Variants in PAK5 observed in about 807,000 individuals in gnomAD.
PAK5 encodes the protein p21 (RAC1) activated kinase 5.
A neutral mutation model predicts 65.9 loss-of-function variants in PAK5; 16 were observed. The ratio of observed to expected loss-of-function variants is 0.24; its 90% confidence interval spans 0.16 to 0.37. The LOEUF is 0.37. PAK5 is among the 10% of genes least tolerant of loss of function. The pLI, the probability that PAK5 is intolerant of heterozygous loss-of-function variation, is 1.00. For synonymous variants in PAK5, 371 were observed against 354.9 expected (o/e 1.05, Z -0.51); for missense variants, 785 against 903.9 (o/e 0.87, Z 1.69).
At chr20:9,563,760 A>T (rs1487763911) in intron 5 of PAK5, among the ~76,000 whole-genome samples, 1 of 152,168 alleles carries the variant, frequency 6.6e-6, no homozygotes, top group Non-Finnish European at 1.5e-5. Context: ...GGTTTGGAAA[A>T]TAAATTCCAG....
rs373766731 is a variant in PAK5, at chr20:9,603,869, C to G, written c.205-22939G>C. ...AAAAGCTGTGCCTCTGAACCCAGGC[C>G]GTCTAGCTACAGAACCCACATCTTC... On this transcript the variant is annotated intron_variant, in intron 3 of 9. Coordinates refer to ENST00000353224, the MANE Select transcript of PAK5 (RefSeq NM_177990.4). Among the ~76,000 whole-genome samples the G allele has an allele frequency of 2.6e-5, 4 of 152,204 alleles. No individual in the cohort carries two copies. The East Asian group carries it at 7.7e-4, about 29-fold the overall frequency.
At chr20:9,825,957 C>CTT (rs1241402162) in intron 1 of PAK5, among the ~76,000 whole-genome samples, 1 of 152,144 alleles carries the variant, frequency 6.6e-6, no homozygotes, top group Non-Finnish European at 1.5e-5. Flanking sequence ...ACATTCAAGA[C>CTT]TTTAATGACC....
At chr20:9,597,466 C>T (rs1287236999) in intron 3 of PAK5, among the ~76,000 whole-genome samples, 1 of 152,198 alleles carries the variant, frequency 6.6e-6, no homozygotes. Flanking sequence ...CTTACATGAG[C>T]ACATCCTGTC....
In PAK5 at chr20:9,838,200, C is replaced by CGT. The variant is rs1441662899; in HGVS notation, c.-162+561_-162+562insAC. Among the ~76,000 whole-genome samples the CGT allele has an allele frequency of 8.5e-6, 1 of 117,156 alleles. No homozygotes were observed. The highest frequency in any genetic ancestry group is 3.9e-5 in the African/African-American group (1 of 25,722). The allele number at this position is 117,156 out of a possible 152,430, so 76.9% of individuals were successfully genotyped here. On this transcript the variant is annotated intron_variant, in intron 1 of 9. Transcript: ENST00000353224. This position sits in a 1 kb window ranked among gnomAD's most constrained non-coding sequence, Gnocchi z 4.5. ...CACCAGGCGCGCGCGCACACACACA[C>CGT]GCGCGCACACACACACACACACAAA...
chr20:9,616,737 G>A (rs941357726), intron 3 of PAK5, among the ~76,000 whole-genome samples: 5 of 152,154 alleles, frequency 3.3e-5, no homozygotes, highest in African/African-American at 7.2e-5. Context: ...CAAAGCATGC[G>A]TCCTTCCTTA....
rs55773719 is a variant in PAK5 at position 9,580,556 on chromosome 20, G to A, written c.579C>T (p.Ala193=). The change falls in exon 4 of 10, where the codon GCC becomes GCT. Residue 193 remains alanine (A), a synonymous_variant. Transcript: ENST00000353224. ...SEVKPLKSDF[A]RFSADYHSHL... is the part of the protein sequence containing the mutation. The stretch of plus-strand genomic sequence containing the variant: ...GTGAGTGATAATCGGCAGAAAATCT[G>A]GCAAAATCGGATTTCAAAGGCTTCA... The A allele has an allele frequency of 8.8e-4, 1,413 of 1,614,062 alleles. 13 individuals are homozygous for A. In the East Asian group the frequency reaches 0.024, roughly 28 times the overall value.
At chr20:9,556,795 G>C (rs1385777353) in intron 7 of PAK5, among the ~76,000 whole-genome samples, 3 of 152,080 alleles carry the variant, frequency 2.0e-5, no homozygotes, top group African/African-American at 7.2e-5. Flanking sequence ...TCCTCTGTTT[G>C]TCCTACTGGA....
chr20:9,630,424 A>G (rs1487069019), intron 3 of PAK5, among the ~76,000 whole-genome samples: 3 of 152,226 alleles, frequency 2.0e-5, no homozygotes, highest in Non-Finnish European at 4.4e-5. Context: ...ATCGTCCCTC[A>G]GTCATCTCAG....
chr20:9,676,929 G>T (rs1341797713), intron 2 of PAK5, among the ~76,000 whole-genome samples: 1 of 152,118 alleles, frequency 6.6e-6, no homozygotes, highest in Non-Finnish European at 1.5e-5. Context: ...GTCCAAATGG[G>T]TGTTGGCTAG....
intron 2 of PAK5, among the ~76,000 whole-genome samples, chr20:9,649,095 G>C (rs2047171411): frequency 6.6e-6 from 1 of 152,134 alleles, no homozygotes; most frequent in African/African-American, 2.4e-5. Flanking sequence ...TTTAGAAGTA[G>C]GCAATTCAAG....
At chr20:9,690,570 A>G (rs2123430647) in intron 2 of PAK5, among the ~76,000 whole-genome samples, 1 of 151,802 alleles carries the variant, frequency 6.6e-6, no homozygotes, top group Admixed American at 6.6e-5. Flanking sequence ...CCTGCTGGGG[A>G]CCTTCTCTGG....
chr20:9,783,570 G>A (rs1010634334), intron 1 of PAK5, among the ~76,000 whole-genome samples: 2 of 152,100 alleles, frequency 1.3e-5, no homozygotes, highest in East Asian at 1.9e-4. Flanking sequence ...TAAATCTCAA[G>A]AAGGTTACCT....
intron 2 of PAK5, among the ~76,000 whole-genome samples, chr20:9,693,990 CT>C (rs35794790): frequency 0.052 from 7,684 of 146,536 alleles, 625 homozygotes; most frequent in African/African-American, 0.18. Context: ...CATCAAGGTC[CT>C]TTTTTTTTTA....
intron 1 of PAK5, among the ~76,000 whole-genome samples, chr20:9,745,666 T>C (rs2076999570): frequency 6.6e-6 from 1 of 152,152 alleles, no homozygotes; most frequent in African/African-American, 2.4e-5. Flanking sequence ...AAAGGCAGGT[T>C]CTAGCTTTGT....
chr20:9,668,350 G>T (rs1414058335), intron 2 of PAK5, among the ~76,000 whole-genome samples: 2 of 152,056 alleles, frequency 1.3e-5, no homozygotes, highest in Non-Finnish European at 2.9e-5. Context: ...GTGATATGTT[G>T]CCTGAAGAAT....
intron 1 of PAK5, among the ~76,000 whole-genome samples, chr20:9,824,399 T>A (rs981849513): frequency 1.9e-4 from 29 of 152,124 alleles, no homozygotes; most frequent in Non-Finnish European, 2.8e-4. Context: ...TAAAAAAAAA[T>A]TTCCAAAAAG....
chr20:9,612,018 C>A (rs2046570404), intron 3 of PAK5, among the ~76,000 whole-genome samples: 1 of 152,200 alleles, frequency 6.6e-6, no homozygotes. Flanking sequence ...CTGTTCTCCT[C>A]TTTGCAGGCA....
intron 1 of PAK5, among the ~76,000 whole-genome samples, chr20:9,829,695 G>A (rs1978554529): frequency 6.6e-6 from 1 of 152,112 alleles, no homozygotes; most frequent in African/African-American, 2.4e-5. Context: ...AGAGACAAGA[G>A]TACAAAAGGA....
At chr20:9,667,583 G>A (rs1406455655) in intron 2 of PAK5, among the ~76,000 whole-genome samples, 1 of 152,076 alleles carries the variant, frequency 6.6e-6, no homozygotes, top group African/African-American at 2.4e-5. Context: ...TCATCTTCTA[G>A]TTGCATACCA....
Sources: allele counts gnomAD v4.1 joint callset (sites outside exome capture counted in the v4.1 genomes callset), GRCh38; gene constraint gnomAD v4.1.1; non-coding constraint Gnocchi (gnomAD v3.1); transcripts MANE v1.5; gene names NCBI Gene and HGNC (gene_info 2026-07-23, HGNC 2026-07-21).